The following MAP7D2 variants were observed in gnomAD, a reference collection of about 807,000 sequenced individuals.
MAP7D2 encodes MAP7 domain containing 2.
In MAP7D2, 33 loss-of-function variants were observed where a neutral mutation model predicts 63.5. The observed-to-expected ratio is 0.52, with a 90% CI of 0.39 to 0.70. The LOEUF is 0.70. MAP7D2 is among the 30% of genes least tolerant of loss of function. The pLI is 0.00. For missense variants in MAP7D2, 626 were observed against 604.0 expected, an observed-to-expected ratio of 1.04 and a Z score of -0.38; for synonymous variants, 224 against 223.7, an observed-to-expected ratio of 1.00 and a Z score of -0.01.
intron 5 of MAP7D2, among the ~76,000 whole-genome samples, chrX:20,051,627 T>C (rs1037785963): frequency 8.1e-5 from 9 of 111,594 alleles, no homozygotes; most frequent in Non-Finnish European, 1.5e-4. Flanking sequence ...ATTATGCCTA[T>C]AAAACACTTG....
intron 15 of MAP7D2, among the ~76,000 whole-genome samples, chrX:20,011,620 C>T (rs1396405458): frequency 8.9e-6 from 1 of 112,095 alleles, no homozygotes; most frequent in Non-Finnish European, 1.9e-5. Context: ...CATGTGGAAA[C>T]GCCTGAAGTG....
chrX:20,075,165 A>G (rs891257801), intron 1 of MAP7D2, among the ~76,000 whole-genome samples: 2 of 112,379 alleles, frequency 1.8e-5, no homozygotes, highest in Admixed American at 9.4e-5. Context: ...TATGATTGGC[A>G]CTTTCAAAAT....
intron 8 of MAP7D2, among the ~76,000 whole-genome samples, chrX:20,037,628 C>T (rs758588388): frequency 2.7e-5 from 3 of 112,004 alleles, no homozygotes; most frequent in African/African-American, 9.7e-5. Context: ...CCTGGTTATG[C>T]GCTTTACTTG....
intron 1 of MAP7D2, among the ~76,000 whole-genome samples, chrX:20,076,944 A>C: frequency 8.9e-6 from 1 of 112,951 alleles, no homozygotes. Flanking sequence ...GATTTTCTTA[A>C]ATCACAATTG....
intron 8 of MAP7D2, among the ~76,000 whole-genome samples, chrX:20,037,816 C>T (rs1294524698): frequency 9.0e-6 from 1 of 111,551 alleles, no homozygotes; most frequent in African/African-American, 3.3e-5. Context: ...ACATTTGTAT[C>T]CCATGTGAAT....
chrX:20,095,069 T>C (rs1353467017), intron 1 of MAP7D2, among the ~76,000 whole-genome samples: 9 of 107,171 alleles, frequency 8.4e-5, no homozygotes, highest in Non-Finnish European at 1.5e-4. Context: ...TGAGACTCTG[T>C]CTAAAAAAAA....
At chrX:20,106,182 G>C (rs1408476261) in intron 1 of MAP7D2, among the ~76,000 whole-genome samples, 5 of 112,137 alleles carry the variant, frequency 4.5e-5, no homozygotes, top group Non-Finnish European at 1.9e-5. Flanking sequence ...TCAAACCTTA[G>C]CACTTTTCCT....
intron 1 of MAP7D2, among the ~76,000 whole-genome samples, chrX:20,093,527 C>T (rs1247331922): frequency 1.8e-5 from 2 of 110,550 alleles, no homozygotes; most frequent in Non-Finnish European, 3.8e-5. Context: ...CGTGGTGGCA[C>T]GCACCTGTAG....
At position 20,007,878 on chromosome X, in the gene MAP7D2, T is replaced by C. The variant is rs1042624177; in HGVS notation, c.*547A>G. ...GCAGGTGGCAAAGCTTAACAACAAT[T>C]TTTTAAAGGCTTCTTGATACTGCTT... On this transcript the variant is annotated 3_prime_UTR_variant, in exon 17 of 17. Transcript: ENST00000379643. 1 of 112,205 alleles carries C rather than the reference T, an allele frequency of 8.9e-6. No homozygotes were observed. Among genetic ancestry groups the C allele is most frequent in the African/African-American group, 3.2e-5 (1 of 30,887 alleles). 9.2% of individuals were successfully genotyped at this position (112,205 alleles called of 1,213,427 possible).
Position 20,067,204 on chromosome X carries a change from G to A in MAP7D2, c.131-2399C>T, listed in dbSNP as rs754869129. Among the ~76,000 whole-genome samples, 10 of 111,592 alleles carry A rather than the reference G, an allele frequency of 9.0e-5. No homozygotes were observed. The South Asian group carries it at 2.3e-3, about 25-fold the overall frequency. ...CTCTAGGTGTTCATGGGCCTGCTCC[G>A]TATCTAAAGTAAGCCTGAAAATGGC... On this transcript the variant is annotated intron_variant, in intron 1 of 16. Coordinates refer to ENST00000379643, the MANE Select transcript of MAP7D2 (RefSeq NM_001168465.2).
intron 6 of MAP7D2, among the ~76,000 whole-genome samples, chrX:20,046,344 T>A (rs2064798589): frequency 8.9e-6 from 1 of 112,338 alleles, no homozygotes; most frequent in African/African-American, 3.2e-5. Context: ...TTATTTCTGA[T>A]GCAGAGTCTG....
intron 1 of MAP7D2, among the ~76,000 whole-genome samples, chrX:20,115,032 C>A (rs996944617): frequency 1.8e-5 from 2 of 112,015 alleles, no homozygotes; most frequent in East Asian, 5.6e-4. Context: ...ACCATACCAA[C>A]CTTAATGCAC....
intron 1 of MAP7D2, among the ~76,000 whole-genome samples, chrX:20,114,545 G>A (rs370563916): frequency 1.1e-3 from 124 of 112,518 alleles, no homozygotes; most frequent in African/African-American, 3.6e-3. Context: ...TCTATTCAGA[G>A]GTAATTAAAA....
chrX:20,111,605 A>G (rs988934737), intron 1 of MAP7D2, among the ~76,000 whole-genome samples: 7 of 111,414 alleles, frequency 6.3e-5, no homozygotes, highest in Non-Finnish European at 1.3e-4. Context: ...GGCCGGGGGA[A>G]TGAAGAATGT....
At position 20,042,894 on chromosome X, in the gene MAP7D2, C is replaced by T. The variant is rs767519335; in HGVS notation, c.880-265G>A. ...AAGAGTTAACAACTGAACCATATTA[C>T]GGTCTTAGACATATAGGAACTGAAA... On this transcript the variant is annotated intron_variant, in intron 7 of 16. Coordinates refer to ENST00000379643, the MANE Select transcript of MAP7D2 (RefSeq NM_001168465.2). 4.2e-3 allele frequency among the ~76,000 whole-genome samples: 475 copies of T among 112,025 alleles called. 2 individuals carry two copies. The highest frequency in any genetic ancestry group is 7.2e-3 in the Non-Finnish European group (383 of 53,209).
intron 10 of MAP7D2, among the ~76,000 whole-genome samples, chrX:20,020,863 A>G (rs1047086748): frequency 2.7e-5 from 3 of 111,301 alleles, no homozygotes; most frequent in African/African-American, 9.8e-5. Flanking sequence ...CTTTCCTTCA[A>G]TTTTTTAAAA....
intron 1 of MAP7D2, among the ~76,000 whole-genome samples, chrX:20,087,073 CT>C (rs1178067029): frequency 6.2e-5 from 7 of 112,444 alleles, no homozygotes; most frequent in Non-Finnish European, 7.5e-5. Flanking sequence ...GGCAGTCTGA[CT>C]CCAGAATAAC....
chrX:20,055,550 C>A (rs753302721), intron 4 of MAP7D2, among the ~76,000 whole-genome samples: 9 of 111,612 alleles, frequency 8.1e-5, no homozygotes, highest in Non-Finnish European at 1.3e-4. Context: ...AGGCATGCAC[C>A]GCTCTATAAT....
chrX:20,060,431 AG>A (rs2065185874), intron 3 of MAP7D2, among the ~76,000 whole-genome samples: 9 of 57,499 alleles, frequency 1.6e-4, no homozygotes, highest in African/African-American at 6.8e-4. Flanking sequence ...AGAGAGAGAG[AG>A]AGAAAGAAAG....
Sources: gnomAD v4.1 joint callset for allele counts (sites outside exome capture counted in the v4.1 genomes callset) on GRCh38, gnomAD v4.1.1 for gene constraint, MANE v1.5 for transcripts, NCBI Gene and HGNC (gene_info 2026-07-23, HGNC 2026-07-21) for gene names.